The following COA1 variants were observed in gnomAD, a reference collection of about 807,000 sequenced individuals.
The protein encoded by COA1 is cytochrome c oxidase assembly factor 1 homolog.
COA1 carries 13 observed loss-of-function variants against 16.0 expected under a neutral mutation model. The observed-to-expected ratio is 0.81, with a 90% confidence interval of 0.53 to 1.29. The LOEUF (loss-of-function observed/expected upper bound fraction) is 1.29. COA1 is among the 50% of genes most tolerant of loss of function. COA1 has a pLI of 0.00. For missense variants in COA1, 179 were observed against 177.0 expected (o/e 1.01, Z -0.06); for synonymous variants, 65 against 65.7 (o/e 0.99, Z 0.05).
intron 6 of COA1, chr7:43,631,156 T>G (rs1251606280): frequency 1.3e-5 from 2 of 152,202 alleles, no homozygotes; most frequent in African/African-American, 2.4e-5. Context: ...TCTTTTAGTT[T>G]TCTATCAACC....
intron 1 of COA1, among the ~76,000 whole-genome samples, chr7:43,675,084 TA>T (rs1466116904): frequency 6.6e-6 from 1 of 152,134 alleles, no homozygotes; most frequent in East Asian, 1.9e-4. Context: ...GGCTATAGAA[TA>T]AATAAGTGCA....
chr7:43,652,056 C>T (rs570043555), intron 1 of COA1, among the ~76,000 whole-genome samples: 19 of 152,300 alleles, frequency 1.2e-4, no homozygotes, highest in Non-Finnish European at 2.4e-4. Context: ...ATAGAATTGA[C>T]AGCGGAAAGA....
intron 1 of COA1, among the ~76,000 whole-genome samples, chr7:43,686,516 G>C (rs963117361): frequency 7.2e-5 from 11 of 151,758 alleles, no homozygotes; most frequent in Admixed American, 5.9e-4. Context: ...CCGTGGTCTC[G>C]ATCTCCTGAC....
At chr7:43,681,482 G>A (rs968209532) in intron 1 of COA1, among the ~76,000 whole-genome samples, 3 of 152,020 alleles carry the variant, frequency 2.0e-5, no homozygotes, top group Admixed American at 1.3e-4. Context: ...CGCATCTTTG[G>A]GGAAATGGTT....
intron 1 of COA1, among the ~76,000 whole-genome samples, chr7:43,686,261 T>C (rs993924647): frequency 1.3e-5 from 2 of 151,414 alleles, no homozygotes; most frequent in Non-Finnish European, 2.9e-5. Context: ...TAAGTAAATT[T>C]TTCTGGAGGT....
chr7:43,639,310 A>T lies in COA1; in HGVS notation c.*272T>A. On this transcript the variant is annotated 3_prime_UTR_variant, in exon 6 of 6. Coordinates refer to ENST00000223336, the MANE Select transcript of COA1 (RefSeq NM_018224.4). ...GATTCCTTTTATCATGTGCTTTTTTATACAAAGCACTTTCAAATACATTAC... is the reference window on the plus strand; with the variant it reads ...GATTCCTTTTATCATGTGCTTTTTTTTACAAAGCACTTTCAAATACATTAC... 3.9e-6 allele frequency: 1 copy of T among 256,382 alleles called. No homozygotes were observed. The highest frequency in any genetic ancestry group is 7.5e-6 in the Non-Finnish European group (1 of 133,670). The allele number at this position is 256,382 out of a possible 1,614,324, so 15.9% of individuals were successfully genotyped here.
chr7:43,644,766 G>GATAGA (rs1563228993), intron 4 of COA1, among the ~76,000 whole-genome samples: 4 of 80,686 alleles, frequency 5.0e-5, no homozygotes, highest in Non-Finnish European at 8.7e-5. Context: ...AGATAGGCAG[G>GATAGA]CAGGCAGGCA....
intron 1 of COA1, among the ~76,000 whole-genome samples, chr7:43,691,412 G>GAAA (rs1306877074): frequency 1.9e-4 from 17 of 88,686 alleles, no homozygotes; most frequent in Admixed American, 3.7e-4. Flanking sequence ...AGGAAGGAAG[G>GAAA]AAGAAAGAAA....
intron 1 of COA1, among the ~76,000 whole-genome samples, chr7:43,719,616 G>A (rs1035815681): frequency 1.4e-4 from 22 of 152,084 alleles, no homozygotes; most frequent in Non-Finnish European, 7.4e-5. Context: ...CCCACACACC[G>A]AATCTGTACT....
chr7:43,710,348 CAAAAAAAAAA>C (rs1165121530), intron 1 of COA1, among the ~76,000 whole-genome samples: 1 of 52,442 alleles, frequency 1.9e-5, no homozygotes, highest in Admixed American at 2.8e-4. Context: ...GACTCTGTCT[CAAAAAAAAAA>C]AAAAAAAAAA....
chr7:43,639,736 C>A, intron 5 of COA1, 55 bp from the exon 6 acceptor site: 1 of 1,416,586 alleles, frequency 7.1e-7, no homozygotes, highest in Non-Finnish European at 9.8e-7. Flanking sequence ...AGGCAACAGC[C>A]GTAGTCAAAA....
At chr7:43,720,532 G>A (rs888954605) in intron 1 of COA1, among the ~76,000 whole-genome samples, 1 of 151,858 alleles carries the variant, frequency 6.6e-6, no homozygotes, top group South Asian at 2.1e-4. Flanking sequence ...TTTTAAAAAT[G>A]GCTGCTGTGT....
At chr7:43,609,550 T>G (rs1374257677) in intron 6 of COA1, 1 of 152,210 alleles carries the variant, frequency 6.6e-6, no homozygotes, top group Non-Finnish European at 1.5e-5. Context: ...CTATGATGAT[T>G]CTTAGTATAT....
At chr7:43,619,922 T>A (rs1285788168) in intron 6 of COA1, among the ~76,000 whole-genome samples, 3 of 152,232 alleles carry the variant, frequency 2.0e-5, no homozygotes, top group African/African-American at 7.2e-5. Context: ...CTCTTCACTA[T>A]CTCTTCACTA....
intron 1 of COA1, among the ~76,000 whole-genome samples, chr7:43,700,594 G>GTGTGTGTT (rs886725179): frequency 1.3e-5 from 2 of 148,262 alleles, no homozygotes; most frequent in Admixed American, 1.3e-4. Context: ...ATATATACGT[G>GTGTGTGTT]TGTGTGTGTG....
At chr7:43,644,493 T>C (rs2088159690) in intron 4 of COA1, among the ~76,000 whole-genome samples, 1 of 152,044 alleles carries the variant, frequency 6.6e-6, no homozygotes, top group Non-Finnish European at 1.5e-5. Flanking sequence ...GTTGGGTACA[T>C]TTGAATGAGC....
chr7:43,694,845 T>C (rs1175224657), intron 1 of COA1, among the ~76,000 whole-genome samples: 2 of 152,228 alleles, frequency 1.3e-5, no homozygotes, highest in Non-Finnish European at 2.9e-5. Flanking sequence ...TCAACCTGAA[T>C]GCTGAGCAGG....
chr7:43,721,764 A>G (rs1447782286), intron 1 of COA1, among the ~76,000 whole-genome samples: 2 of 152,060 alleles, frequency 1.3e-5, no homozygotes, highest in South Asian at 2.1e-4. Flanking sequence ...TAAAAAGTTT[A>G]TTTTACTGTA....
At chr7:43,722,072 T>C (rs1026093319) in intron 1 of COA1, among the ~76,000 whole-genome samples, 2 of 149,010 alleles carry the variant, frequency 1.3e-5, no homozygotes, top group Admixed American at 6.9e-5. Context: ...GTTAGGACAT[T>C]CACCGTTGAT....
Sources: allele counts gnomAD v4.1 joint callset (sites outside exome capture counted in the v4.1 genomes callset), GRCh38; gene constraint gnomAD v4.1.1; transcripts MANE v1.5; gene names NCBI Gene and HGNC (gene_info 2026-07-23, HGNC 2026-07-21).